The following EMCN variants were observed in gnomAD, a reference collection of about 807,000 sequenced individuals.
EMCN encodes the protein MUC-14.
Under a neutral mutation model 38.4 loss-of-function variants are expected in EMCN, and 37 were observed. The ratio of observed to expected loss-of-function variants is 0.96; its 90% CI spans 0.74 to 1.27. The LOEUF is 1.27. EMCN is among the 50% of genes most tolerant of loss of function. The probability of loss-of-function intolerance (pLI) is 0.00; values close to 1 mark genes in which losing one functional copy is unlikely to be tolerated. For missense variants in EMCN, 318 were observed against 302.8 expected (o/e 1.05, Z -0.37); for synonymous variants, 95 against 100.8 (o/e 0.94, Z 0.35).
intron 1 of EMCN, among the ~76,000 whole-genome samples, chr4:100,488,139 A>G (rs1406721815): frequency 6.6e-6 from 1 of 152,198 alleles, no homozygotes; most frequent in East Asian, 1.9e-4. Context: ...TTTTTCATCT[A>G]TAAAAAGTGA....
In EMCN at chr4:100,397,486, A is replaced by G. The variant is rs1474534164; in HGVS notation, c.*927T>C. 3 of 152,198 alleles carry G rather than the reference A, an allele frequency of 2.0e-5. No individual in the cohort carries two copies. Among genetic ancestry groups the G allele is most frequent in the African/African-American group, 7.2e-5 (3 of 41,468 alleles). 9.4% of individuals were successfully genotyped at this position (152,198 alleles called of 1,614,324 possible). A position where few individuals can be genotyped will look rare whatever the true frequency, so the allele number is the denominator to read the frequency against. ...GTTAGCAATGATTGCTAGAGCAAAT[A>G]ATTACATTTCTAAAAGAAATAAAAA... On this transcript the variant is annotated 3_prime_UTR_variant, in exon 12 of 12. Coordinates refer to ENST00000296420, the MANE Select transcript of EMCN (RefSeq NM_016242.4).
intron 1 of EMCN, among the ~76,000 whole-genome samples, chr4:100,487,190 C>A (rs1285997609): frequency 1.3e-5 from 2 of 152,180 alleles, no homozygotes; most frequent in Non-Finnish European, 2.9e-5. Flanking sequence ...TATGGTTCTG[C>A]AGCTCAAAAA....
chr4:100,484,079 C>T (rs201165172), intron 1 of EMCN, among the ~76,000 whole-genome samples: 47 of 152,188 alleles, frequency 3.1e-4, no homozygotes, highest in East Asian at 1.9e-3. Flanking sequence ...TACTGTGATA[C>T]GAGTTTCCTG....
intron 5 of EMCN, among the ~76,000 whole-genome samples, chr4:100,436,937 A>G (rs1481341098): frequency 6.6e-6 from 1 of 152,152 alleles, no homozygotes; most frequent in Non-Finnish European, 1.5e-5. Context: ...TATCTAGGTG[A>G]TGGGATGCTC....
intron 3 of EMCN, among the ~76,000 whole-genome samples, chr4:100,468,312 T>G (rs967800853): frequency 2.0e-5 from 3 of 152,206 alleles, no homozygotes; most frequent in Non-Finnish European, 2.9e-5. Flanking sequence ...GTGTAATTTA[T>G]TTTGTATATT....
chr4:100,466,078 C>A (rs960708473), intron 3 of EMCN, among the ~76,000 whole-genome samples: 1 of 143,008 alleles, frequency 7.0e-6, no homozygotes, highest in African/African-American at 2.6e-5. Context: ...TTTAATTATA[C>A]TTAGTTCATT....
intron 4 of EMCN, among the ~76,000 whole-genome samples, chr4:100,449,173 A>G (rs1239011227): frequency 6.6e-6 from 1 of 152,042 alleles, no homozygotes; most frequent in Non-Finnish European, 1.5e-5. Flanking sequence ...AATTCTACCT[A>G]CCTGATTTCA....
At chr4:100,406,342 T>G (rs748940744) in intron 11 of EMCN, among the ~76,000 whole-genome samples, 8 of 152,108 alleles carry the variant, frequency 5.3e-5, no homozygotes, top group Non-Finnish European at 1.0e-4. Flanking sequence ...CAATTTGAGA[T>G]CTTTCTGATT....
At chr4:100,454,238 C>CA (rs397879572) in intron 4 of EMCN, among the ~76,000 whole-genome samples, 10,469 of 124,398 alleles carry the variant, frequency 0.084, 698 homozygotes, top group African/African-American at 0.19. Context: ...AAGCCATTAG[C>CA]AAAAAAAAAA....
chr4:100,467,469 GA>G (rs1227630166), intron 3 of EMCN, among the ~76,000 whole-genome samples: 1 of 151,830 alleles, frequency 6.6e-6, no homozygotes, highest in Admixed American at 6.6e-5. Flanking sequence ...ACGAGGTCAG[GA>G]GATCGAGACC....
intron 1 of EMCN, among the ~76,000 whole-genome samples, chr4:100,511,474 A>G (rs1378121495): frequency 6.6e-6 from 1 of 152,196 alleles, no homozygotes; most frequent in African/African-American, 2.4e-5. Context: ...TTAAAAAAAC[A>G]GTTCACATTT....
At chr4:100,515,855 C>CAAAA (rs1729741709) in intron 1 of EMCN, among the ~76,000 whole-genome samples, 1 of 151,978 alleles carries the variant, frequency 6.6e-6, no homozygotes, top group Non-Finnish European at 1.5e-5. Context: ...AACAAACAAA[C>CAAAA]AAACAAAAAA....
At chr4:100,438,425 A>G (rs1578194644) in intron 5 of EMCN, among the ~76,000 whole-genome samples, 1 of 152,126 alleles carries the variant, frequency 6.6e-6, no homozygotes, top group East Asian at 1.9e-4. Context: ...AAATGCTAGT[A>G]CTTCTGGTAC....
intron 11 of EMCN, among the ~76,000 whole-genome samples, chr4:100,408,583 C>A (rs1409403051): frequency 6.6e-6 from 1 of 152,174 alleles, no homozygotes; most frequent in Non-Finnish European, 1.5e-5. Flanking sequence ...AGCCATGCAG[C>A]CCCTCTGTGT....
At chr4:100,493,732 G>C (rs1729143892) in intron 1 of EMCN, among the ~76,000 whole-genome samples, 1 of 152,136 alleles carries the variant, frequency 6.6e-6, no homozygotes. Flanking sequence ...TTCCATATAA[G>C]TGAGTTATTT....
chr4:100,434,028 A>C (rs536058655), intron 5 of EMCN, among the ~76,000 whole-genome samples: 169 of 152,304 alleles, frequency 1.1e-3, no homozygotes, highest in African/African-American at 3.6e-3. Flanking sequence ...CCAAGATCAG[A>C]GTGGAACTGA....
chr4:100,435,780 G>A (rs774559355), intron 5 of EMCN, among the ~76,000 whole-genome samples: 1 of 152,084 alleles, frequency 6.6e-6, no homozygotes, highest in Admixed American at 6.6e-5. Flanking sequence ...AATGGGGAAA[G>A]GATTTTCTAT....
At chr4:100,443,093 GC>G (rs771141210) in intron 5 of EMCN, among the ~76,000 whole-genome samples, 8 of 152,150 alleles carry the variant, frequency 5.3e-5, no homozygotes, top group Admixed American at 1.3e-4. Context: ...CAAGTGATCT[GC>G]CCATCTCAGC....
chr4:100,426,650 G>A (rs1421565187), intron 5 of EMCN, among the ~76,000 whole-genome samples: 1 of 152,164 alleles, frequency 6.6e-6, no homozygotes, highest in Non-Finnish European at 1.5e-5. Context: ...TTCTTATTGG[G>A]AGTAGAAATG....
Sources: allele counts gnomAD v4.1 joint callset (sites outside exome capture counted in the v4.1 genomes callset), GRCh38; gene constraint gnomAD v4.1.1; transcripts MANE v1.5; gene names NCBI Gene and HGNC (gene_info 2026-07-23, HGNC 2026-07-21).